The following NLRP14 variants were observed in gnomAD, a reference collection of about 807,000 sequenced individuals.
NLRP14 encodes the protein NACHT, LRR and PYD domains-containing protein 14.
Under a neutral mutation model 94.7 loss-of-function variants are expected in NLRP14, and 105 were observed. The observed-to-expected ratio is 1.11, with a 90% confidence interval of 0.95 to 1.30. NLRP14 has a LOEUF of 1.30. Among genes scored for constraint, NLRP14 ranks in the 50% most tolerant of loss-of-function variants. The pLI is 0.00. For synonymous variants in NLRP14, 508 were observed against 459.9 expected, an observed-to-expected ratio of 1.10 and a Z score of -1.34; for missense variants, 1,362 against 1,254.1, an observed-to-expected ratio of 1.09 and a Z score of -1.30.
intron 6 of NLRP14, among the ~76,000 whole-genome samples, chr11:7,056,557 G>T (rs1173438209): frequency 6.8e-6 from 1 of 148,002 alleles, no homozygotes; most frequent in African/African-American, 2.5e-5. Flanking sequence ...CTCATAATAT[G>T]GGAAGGATAA....
At chr11:7,058,503 GT>G in intron 8 of NLRP14, 53 bp downstream of exon 8, 1 of 1,294,528 alleles carries the variant, frequency 7.7e-7, no homozygotes, top group African/African-American at 1.5e-5. Flanking sequence ...TTTGAAATAT[GT>G]TTAAAATAGT....
chr11:7,074,002 G>C (rs986119951), downstream of NLRP14, among the ~76,000 whole-genome samples: 1 of 152,114 alleles, frequency 6.6e-6, no homozygotes, highest in Non-Finnish European at 1.5e-5. Flanking sequence ...TTAATCACAT[G>C]GTTGGTTCTC....
In NLRP14 at chr11:7,038,568, G is replaced by C. The variant is rs780953135; in HGVS notation, c.-19G>C. ...GGTTATTTTTTTTCCCCCCACAGAG[G>C]CCTGAATATTTGGACAAGATGGCAG... On this transcript the variant is annotated splice_region_variant and 5_prime_UTR_variant, in exon 2 of 12. Coordinates refer to ENST00000299481, the MANE Select transcript of NLRP14 (RefSeq NM_176822.4). 1.2e-6 allele frequency: 2 copies of C among 1,612,168 alleles called. No homozygotes were observed. Among genetic ancestry groups the C allele is most frequent in the Non-Finnish European group, 1.7e-6 (2 of 1,179,362 alleles).
At chr11:7,056,593 A>G (rs966295172) in intron 6 of NLRP14, among the ~76,000 whole-genome samples, 4 of 151,234 alleles carry the variant, frequency 2.6e-5, no homozygotes, top group Non-Finnish European at 3.0e-5. Flanking sequence ...CAAGCATTTA[A>G]TATTTATATC....
At chr11:7,069,337 G>C (rs184163193) in intron 10 of NLRP14, among the ~76,000 whole-genome samples, 19 of 152,256 alleles carry the variant, frequency 1.2e-4, no homozygotes, top group Admixed American at 1.2e-3. Flanking sequence ...GTACTCAGTT[G>C]TTCAATGGCC....
chr11:7,021,905 C>T (rs372546128), intron 1 of NLRP14, among the ~76,000 whole-genome samples: 102 of 151,704 alleles, frequency 6.7e-4, no homozygotes, highest in African/African-American at 2.4e-3. Flanking sequence ...CACACTGCTT[C>T]CAACCTGAGA....
At chr11:7,066,368 C>T (rs909020903) in intron 10 of NLRP14, among the ~76,000 whole-genome samples, 2 of 152,220 alleles carry the variant, frequency 1.3e-5, no homozygotes, top group African/African-American at 4.8e-5. Flanking sequence ...TCTCCAGCAT[C>T]TGTTGTTTCT....
the NLRP14 span, chr11:7,089,603 C>G: frequency 3.3e-6 from 4 of 1,195,804 alleles, no homozygotes; most frequent in Non-Finnish European, 2.1e-6. Context: ...GCCCACCCCC[C>G]AAGAGGGCCG....
chr11:7,067,745 A>G (rs976455646), intron 10 of NLRP14, among the ~76,000 whole-genome samples: 1 of 152,124 alleles, frequency 6.6e-6, no homozygotes, highest in African/African-American at 2.4e-5. Context: ...TTTTGTTCAT[A>G]ATGGAGATAG....
chr11:7,051,124 A>T (rs979282050), intron 6 of NLRP14, among the ~76,000 whole-genome samples: 1 of 152,204 alleles, frequency 6.6e-6, no homozygotes, highest in African/African-American at 2.4e-5. Context: ...CAGGATTTCA[A>T]ATAGGAAACC....
At chr11:7,090,428 A>C in the NLRP14 span, 2 of 1,206,400 alleles carry the variant, frequency 1.7e-6, no homozygotes, top group Non-Finnish European at 2.4e-6. Flanking sequence ...ATTTCCTGTT[A>C]AGATCGTCTC....
chr11:7,089,738 C>T, the NLRP14 span: 10 of 1,547,604 alleles, frequency 6.5e-6, no homozygotes, highest in African/African-American at 8.2e-5. Context: ...GCGACCCCTA[C>T]CTGGGCCCGC....
intron 6 of NLRP14, among the ~76,000 whole-genome samples, chr11:7,052,160 C>T (rs925919543): frequency 6.6e-6 from 1 of 152,180 alleles, no homozygotes; most frequent in African/African-American, 2.4e-5. Flanking sequence ...CCCAGGATCT[C>T]TTCTTAGTTT....
rs1204806522 is a variant in NLRP14 at position 7,038,600 on chromosome 11, C to T, written c.14C>T (p.Ser5Leu). MADS[S>L]SSSFFPDFGL... The stretch of plus-strand genomic sequence containing the variant: ...TATTTGGACAAGATGGCAGATTCAT[C>T]ATCATCTTCTTTCTTTCCTGATTTT... The change falls in exon 2 of 12, where the codon TCA (serine) becomes TTA (leucine). Residue 5 changes from serine to leucine, a missense_variant. Coordinates refer to ENST00000299481, the MANE Select transcript of NLRP14 (RefSeq NM_176822.4). 1.2e-6 allele frequency: 2 copies of T among 1,613,874 alleles called. No individual in the cohort carries two copies. The highest frequency in any genetic ancestry group is 1.7e-6 in the Non-Finnish European group (2 of 1,179,952).
At chr11:7,027,023 G>A (rs954278201) in intron 1 of NLRP14, among the ~76,000 whole-genome samples, 3 of 151,940 alleles carry the variant, frequency 2.0e-5, no homozygotes, top group African/African-American at 4.8e-5. Flanking sequence ...TCCACACAAT[G>A]CATTCACACA....
downstream of NLRP14, among the ~76,000 whole-genome samples, chr11:7,075,084 G>A (rs7104702): frequency 0.59 from 88,976 of 151,924 alleles, 26,906 homozygotes; most frequent in East Asian, 0.78. Flanking sequence ...CCTAAGGGTA[G>A]TTAACTAAGG....
chr11:7,020,784 A>C lies in NLRP14; in HGVS notation c.-22+14A>C, dbSNP rs1851913688. The stretch of plus-strand genomic sequence containing the variant: ...TCTAAACTCAAGGTTAGAGGTTTTC[A>C]AATTCCGTCCTATTGTTGCCAGACA... On this transcript the variant is annotated intron_variant, in intron 1 of 11. Transcript: ENST00000299481. The C allele has an allele frequency of 6.6e-6, 1 of 152,312 alleles. No individual in the cohort carries two copies. The highest frequency in any genetic ancestry group is 2.4e-5 in the African/African-American group (1 of 41,458). 9.4% of individuals were successfully genotyped at this position (152,312 alleles called of 1,614,324 possible).
the NLRP14 span, among the ~76,000 whole-genome samples, chr11:7,081,072 C>T: frequency 6.6e-6 from 1 of 152,058 alleles, no homozygotes; most frequent in Admixed American, 6.5e-5. Flanking sequence ...GGGGTCTTAT[C>T]TAGGGGCCAG....
chr11:7,025,541 T>C (rs1007728064), intron 1 of NLRP14, among the ~76,000 whole-genome samples: 5 of 152,166 alleles, frequency 3.3e-5, no homozygotes, highest in Admixed American at 6.5e-5. Context: ...AAGGATGCAA[T>C]AAATTATTAG....
Sources: gnomAD v4.1 joint callset for allele counts (sites outside exome capture counted in the v4.1 genomes callset) on GRCh38, gnomAD v4.1.1 for gene constraint, MANE v1.5 for transcripts, NCBI Gene and HGNC (gene_info 2026-07-23, HGNC 2026-07-21) for gene names.